The following ZNG1C variants were observed in gnomAD, a reference collection of about 807,000 sequenced individuals.
The protein encoded by ZNG1C is Zn regulated GTPase metalloprotein activator 1C.
the ZNG1C span, chr9:68,247,473 G>T: frequency 3.8e-6 from 6 of 1,560,654 alleles, no homozygotes; most frequent in African/African-American, 6.8e-5. Context: ...AGGTATCAAG[G>T]CTGCATGAAT....
chr9:68,270,922 G>A, the ZNG1C span: 1 of 148,374 alleles, frequency 6.7e-6, no homozygotes, highest in Non-Finnish European at 1.5e-5. Flanking sequence ...CCGGAGATAT[G>A]GTTAACAAAA....
the ZNG1C span, among the ~76,000 whole-genome samples, chr9:68,290,920 G>T: frequency 2.6e-5 from 4 of 151,186 alleles, no homozygotes; most frequent in Non-Finnish European, 5.9e-5. Flanking sequence ...CAGCGTTTTA[G>T]TCAGACTGCA....
At chr9:68,274,558 CT>C in the ZNG1C span, 1 of 96,790 alleles carries the variant, frequency 1.0e-5, no homozygotes, top group Non-Finnish European at 2.0e-5. Context: ...TTTGTCATTT[CT>C]TTTGTTTCAT....
the ZNG1C span, among the ~76,000 whole-genome samples, chr9:68,245,636 T>G: frequency 7.8e-5 from 4 of 51,352 alleles, 2 homozygotes; most frequent in Non-Finnish European, 2.1e-4. Context: ...GGAGTCTCTC[T>G]CTTGCCAGGC....
the ZNG1C span, chr9:68,269,657 G>T: frequency 1.1e-6 from 1 of 876,768 alleles, no homozygotes; most frequent in Non-Finnish European, 1.3e-6. Flanking sequence ...CTCACAGCTG[G>T]CAGTCTAGTT....
the ZNG1C span, among the ~76,000 whole-genome samples, chr9:68,286,937 T>A: frequency 1.3e-5 from 1 of 79,492 alleles, no homozygotes; most frequent in African/African-American, 5.5e-5. Flanking sequence ...AAAAAAAAAC[T>A]CAGTTCTTTA....
chr9:68,299,082 T>C, the ZNG1C span: 1 of 1,609,212 alleles, frequency 6.2e-7, no homozygotes, highest in Non-Finnish European at 8.5e-7. Flanking sequence ...ACAAATCGAT[T>C]GGTCCTCATT....
chr9:68,289,481 C>T, the ZNG1C span, among the ~76,000 whole-genome samples: 2 of 151,296 alleles, frequency 1.3e-5, no homozygotes, highest in South Asian at 2.1e-4. Context: ...TTCAGTTGTC[C>T]CTGGTGGCCA....
At chr9:68,288,647 ATT>A in the ZNG1C span, among the ~76,000 whole-genome samples, 3,762 of 56,854 alleles carry the variant, frequency 0.066, 54 homozygotes, top group Non-Finnish European at 0.08. Flanking sequence ...TAATTTTTGT[ATT>A]TTTTTTTTTT....
At chr9:68,248,787 A>G in the ZNG1C span, 2 of 334,448 alleles carry the variant, frequency 6.0e-6, no homozygotes, top group Non-Finnish European at 5.2e-6. Context: ...ACTGTAAATT[A>G]TGTTTTGGTA....
At chr9:68,275,477 C>T in the ZNG1C span, among the ~76,000 whole-genome samples, 1 of 129,152 alleles carries the variant, frequency 7.7e-6, no homozygotes. Flanking sequence ...CCTCCCCCCT[C>T]CCCCCAACCC....
At chr9:68,281,200 G>A in the ZNG1C span, among the ~76,000 whole-genome samples, 1 of 152,222 alleles carries the variant, frequency 6.6e-6, no homozygotes, top group Non-Finnish European at 1.5e-5. Flanking sequence ...TTGGCTCGCG[G>A]ATGGAGCACG....
the ZNG1C span, chr9:68,249,029 A>G: frequency 2.3e-6 from 1 of 427,604 alleles, no homozygotes. Context: ...TTGGTTTAAA[A>G]GAGGAAAAGT....
At chr9:68,276,561 A>G in the ZNG1C span, among the ~76,000 whole-genome samples, 9 of 150,138 alleles carry the variant, frequency 6.0e-5, no homozygotes, top group Non-Finnish European at 1.3e-4. Flanking sequence ...TTAAATAGGG[A>G]ATCCTTTCCC....
chr9:68,296,856 TA>T, the ZNG1C span, among the ~76,000 whole-genome samples: 2 of 151,586 alleles, frequency 1.3e-5, no homozygotes, highest in African/African-American at 4.9e-5. Context: ...TCTGTTTCTT[TA>T]GGGTAGACAG....
chr9:68,275,341 ATTAT>A, the ZNG1C span, among the ~76,000 whole-genome samples: 9 of 145,246 alleles, frequency 6.2e-5, no homozygotes, highest in African/African-American at 1.5e-4. Flanking sequence ...TTTATTTATT[ATTAT>A]TTAAGTTTTA....
the ZNG1C span, among the ~76,000 whole-genome samples, chr9:68,296,625 G>T: frequency 1.3e-5 from 2 of 152,352 alleles, no homozygotes; most frequent in Non-Finnish European, 1.5e-5. Context: ...GCAGTTCTAG[G>T]AAGTTATGCA....
the ZNG1C span, among the ~76,000 whole-genome samples, chr9:68,275,189 C>T: frequency 3.1e-5 from 2 of 64,574 alleles, no homozygotes; most frequent in African/African-American, 8.3e-5. Context: ...AACACTTCTA[C>T]GCCAAACACT....
chr9:68,273,889 G>C, the ZNG1C span: 26 of 111,050 alleles, frequency 2.3e-4, no homozygotes, highest in Admixed American at 2.6e-3. Context: ...TGCCAGGCTG[G>C]AGTGCAGTGG....
Sources: gnomAD v4.1 joint callset for allele counts (sites outside exome capture counted in the v4.1 genomes callset) on GRCh38, gnomAD v4.1.1 for gene constraint, MANE v1.5 for transcripts, NCBI Gene and HGNC (gene_info 2026-07-23, HGNC 2026-07-21) for gene names.